COL11A1: variants seen among roughly 807,000 people sequenced by gnomAD.
COL11A1 encodes the protein collagen alpha-1(XI) chain.
A neutral mutation model predicts 265.2 loss-of-function variants in COL11A1; 74 were observed. That is an observed-to-expected ratio of 0.28 (90% CI 0.23 to 0.34). The LOEUF is 0.34. Among genes scored for constraint, COL11A1 ranks in the 10% least tolerant of loss-of-function variants. The pLI, the probability that COL11A1 is intolerant of heterozygous loss-of-function variation, is 1.00. For missense variants in COL11A1, 2,165 were observed against 2,263.6 expected (o/e 0.96, Z 0.88); for synonymous variants, 816 against 727.6 (o/e 1.12, Z -1.96).
chr1:102,903,809 A>T (rs868671138), intron 54 of COL11A1, among the ~76,000 whole-genome samples: 3 of 152,188 alleles, frequency 2.0e-5, no homozygotes, highest in South Asian at 2.1e-4. Context: ...TGTGGTATAG[A>T]CAAAGTGACC....
intron 10 of COL11A1, 138 bp downstream of exon 10, chr1:103,018,680 A>G (rs1371323849): frequency 1.5e-6 from 1 of 678,100 alleles, no homozygotes; most frequent in Non-Finnish European, 2.5e-6. Context: ...GTTCAAAGGC[A>G]CCAGCTCCTC....
At chr1:103,100,762 G>A (rs1004019874) in intron 1 of COL11A1, 1 of 151,894 alleles carries the variant, frequency 6.6e-6, no homozygotes, top group Non-Finnish European at 1.5e-5. Flanking sequence ...CAAAAGCAAG[G>A]GCCTTGGAGA....
intron 7 of COL11A1, among the ~76,000 whole-genome samples, chr1:103,025,291 A>G (rs140373144): frequency 1.3e-5 from 2 of 152,200 alleles, no homozygotes; most frequent in East Asian, 3.9e-4. Flanking sequence ...AGTTTGATCA[A>G]TTTAGCATCT....
intron 20 of COL11A1, among the ~76,000 whole-genome samples, chr1:103,004,151 G>A (rs2101840853): frequency 6.6e-6 from 1 of 151,992 alleles, no homozygotes; most frequent in African/African-American, 2.4e-5. Context: ...CGGAGCTATT[G>A]ATGACAGCAC....
intron 12 of COL11A1, among the ~76,000 whole-genome samples, chr1:103,015,460 T>C (rs1666485026): frequency 6.6e-6 from 1 of 152,020 alleles, no homozygotes; most frequent in African/African-American, 2.4e-5. Flanking sequence ...TGTAATCAAA[T>C]AATGAATTCT....
chr1:103,063,030 T>C (rs1022031761), intron 4 of COL11A1, among the ~76,000 whole-genome samples: 1 of 151,942 alleles, frequency 6.6e-6, no homozygotes. Context: ...ATAAGATCTA[T>C]ATGAAGAAAA....
At chr1:103,040,384 A>G (rs1668713714) in intron 4 of COL11A1, among the ~76,000 whole-genome samples, 1 of 151,626 alleles carries the variant, frequency 6.6e-6, no homozygotes, top group East Asian at 1.9e-4. Flanking sequence ...ATCTCAGATT[A>G]TATACTTTTT....
intron 9 of COL11A1, among the ~76,000 whole-genome samples, chr1:103,020,120 G>T (rs1247902972): frequency 6.6e-6 from 1 of 151,738 alleles, no homozygotes; most frequent in East Asian, 1.9e-4. Flanking sequence ...GGGATGGGTG[G>T]GTCAAATGGT....
At chr1:102,921,870 A>G (rs1292408919) in intron 47 of COL11A1, among the ~76,000 whole-genome samples, 1 of 152,232 alleles carries the variant, frequency 6.6e-6, no homozygotes, top group East Asian at 1.9e-4. Context: ...GATATATTTC[A>G]TGCTAGAATA....
intron 24 of COL11A1, chr1:103,001,437 G>A: frequency 2.5e-6 from 1 of 407,282 alleles, no homozygotes. Context: ...AAAAAGACAT[G>A]TGTTTAATTA....
intron 49 of COL11A1, among the ~76,000 whole-genome samples, chr1:102,916,142 A>C (rs1655312400): frequency 6.6e-6 from 1 of 152,182 alleles, no homozygotes; most frequent in South Asian, 2.1e-4. Context: ...ATTTTATAGG[A>C]TTTGTTTAGT....
chr1:103,057,986 A>C (rs1043949036), intron 4 of COL11A1, among the ~76,000 whole-genome samples: 1 of 152,206 alleles, frequency 6.6e-6, no homozygotes, highest in Non-Finnish European at 1.5e-5. Flanking sequence ...GAAGCTTTAA[A>C]GCCAGGCATT....
chr1:102,912,793 C>T (rs145534188), intron 53 of COL11A1, among the ~76,000 whole-genome samples: 4,952 of 152,130 alleles, frequency 0.033, 113 homozygotes, highest in Middle Eastern at 0.085. Context: ...TGAGTTCTCA[C>T]GAGATCTGAT....
At chr1:102,934,225 A>G (rs1413246404) in intron 46 of COL11A1, among the ~76,000 whole-genome samples, 3 of 152,226 alleles carry the variant, frequency 2.0e-5, no homozygotes, top group Non-Finnish European at 1.5e-5. Context: ...ATACTCCAGA[A>G]TCAGGAGCGA....
intron 5 of COL11A1, 70 bp from the exon 6 acceptor site, chr1:103,026,402 A>G (rs587782990): frequency 2.0e-6 from 2 of 985,104 alleles, no homozygotes; most frequent in Middle Eastern, 2.1e-4. Context: ...AGTGAGAACC[A>G]TCTTAACTTT....
Position 103,010,384 on chromosome 1 carries a change from T to C in COL11A1, c.1630-1868A>G, listed in dbSNP as rs143852005. Among the ~76,000 whole-genome samples the C allele has an allele frequency of 2.4e-3, 359 of 152,294 alleles. 2 individuals carry two copies. The highest frequency in any genetic ancestry group is 8.2e-3 in the African/African-American group (340 of 41,580). Reference sequence around the variant, plus strand: ...AAACAATATGATTTTTTTCTCTCAATACCTACCTTCAATAATTAAGGAAGC... The same window carrying C: ...AAACAATATGATTTTTTTCTCTCAACACCTACCTTCAATAATTAAGGAAGC... On this transcript the variant is annotated intron_variant, in intron 14 of 66. Coordinates refer to ENST00000370096, the MANE Select transcript of COL11A1 (RefSeq NM_001854.4).
chr1:102,903,022 A>C (rs1430005944), intron 54 of COL11A1, among the ~76,000 whole-genome samples: 1 of 152,066 alleles, frequency 6.6e-6, no homozygotes, highest in Admixed American at 6.5e-5. Flanking sequence ...CCGAATTCAA[A>C]TTTCCATTTA....
chr1:103,025,973 T>A, intron 6 of COL11A1: 1 of 1,606,188 alleles, frequency 6.2e-7, no homozygotes, highest in Non-Finnish European at 8.5e-7. Context: ...TGGTGAAAGA[T>A]GGAATGGAAA....
intron 28 of COL11A1, among the ~76,000 whole-genome samples, chr1:102,991,567 G>T (rs1664136803): frequency 6.6e-6 from 1 of 152,016 alleles, no homozygotes; most frequent in African/African-American, 2.4e-5. Flanking sequence ...GCATTTTCTA[G>T]ATCATAGGTT....
Sources: gnomAD v4.1 joint callset for allele counts (sites outside exome capture counted in the v4.1 genomes callset) on GRCh38, gnomAD v4.1.1 for gene constraint, MANE v1.5 for transcripts, NCBI Gene and HGNC (gene_info 2026-07-23, HGNC 2026-07-21) for gene names.